The following PDE4B variants were observed in gnomAD, a reference collection of about 807,000 sequenced individuals.
PDE4B encodes phosphodiesterase 4B.
Under a neutral mutation model 82.2 loss-of-function variants are expected in PDE4B, and 20 were observed. The ratio of observed to expected loss-of-function variants is 0.24; its 90% CI spans 0.17 to 0.35. PDE4B has a LOEUF of 0.35. Ranked by LOEUF, PDE4B falls within the 10% of genes least tolerant of loss-of-function variation. The pLI is 1.00. For synonymous variants in PDE4B, 320 were observed against 318.9 expected, an observed-to-expected ratio of 1.00 and a Z score of -0.04; for missense variants, 655 against 907.2, an observed-to-expected ratio of 0.72 and a Z score of 3.57.
chr1:66,073,629 G>T (rs1003228690), intron 3 of PDE4B, among the ~76,000 whole-genome samples: 7 of 151,896 alleles, frequency 4.6e-5, no homozygotes, highest in Non-Finnish European at 1.0e-4. Context: ...AAAAATATTT[G>T]CAGCCAGCTC....
chr1:66,097,862 GTT>G (rs34619073), intron 3 of PDE4B, among the ~76,000 whole-genome samples: 34 of 138,982 alleles, frequency 2.4e-4, no homozygotes, highest in South Asian at 4.6e-4. Flanking sequence ...TTGCTGCTGG[GTT>G]TTTTTTTTTT....
chr1:66,265,994 G>A (rs1185430919), intron 6 of PDE4B, 44 bp from the exon 7 acceptor site: 1 of 1,526,184 alleles, frequency 6.6e-7, no homozygotes, highest in Non-Finnish European at 9.1e-7. Flanking sequence ...GGAATGGGCA[G>A]TTTTGATACA....
At chr1:66,301,332 T>C (rs933449134) in intron 7 of PDE4B, among the ~76,000 whole-genome samples, 1 of 152,174 alleles carries the variant, frequency 6.6e-6, no homozygotes, top group Non-Finnish European at 1.5e-5. Flanking sequence ...GGTTTGGGCC[T>C]TGGAGGCTGA....
At chr1:66,098,025 A>G (rs1485191717) in intron 3 of PDE4B, among the ~76,000 whole-genome samples, 9 of 152,116 alleles carry the variant, frequency 5.9e-5, no homozygotes, top group Non-Finnish European at 7.4e-5. Flanking sequence ...TGATAACTAT[A>G]TAATGATTCT....
In PDE4B at chr1:66,173,513, AC is replaced by A. The variant is rs776694795; in HGVS notation, c.282-73945del. ...AACCCGCAAGAGTCTATTTGAATTT[AC>A]CTATAGTCTTTGAGGTGGCCCAATG... is the stretch of plus-strand genomic sequence containing the variant. On this transcript the variant is annotated intron_variant, in intron 3 of 16. Transcript: ENST00000341517. 1.3e-4 allele frequency among the ~76,000 whole-genome samples: 20 copies of A among 152,340 alleles called. No homozygotes were observed. In the East Asian group the frequency reaches 3.7e-3, roughly 28 times the overall value.
chr1:65,992,823 A>C, intron 3 of PDE4B: 1 of 1,510,692 alleles, frequency 6.6e-7, no homozygotes, highest in Non-Finnish European at 8.8e-7. Flanking sequence ...TTGCAGACTT[A>C]TCAGTCTTCT....
intron 1 of PDE4B, among the ~76,000 whole-genome samples, chr1:65,876,120 A>C (rs1272227960): frequency 6.6e-6 from 1 of 152,140 alleles, no homozygotes; most frequent in East Asian, 1.9e-4. Flanking sequence ...TGCAGATGAA[A>C]GGAGTTTTAT....
At chr1:65,975,723 A>T (rs1650369421) in intron 3 of PDE4B, among the ~76,000 whole-genome samples, 2 of 152,202 alleles carry the variant, frequency 1.3e-5, no homozygotes, top group Non-Finnish European at 2.9e-5. Context: ...AGCTGTGGCT[A>T]AAAGGAGCCA....
chr1:66,295,007 A>G (rs1657399781), intron 7 of PDE4B, among the ~76,000 whole-genome samples: 1 of 152,126 alleles, frequency 6.6e-6, no homozygotes, highest in South Asian at 2.1e-4. Context: ...TTGTGTGTAT[A>G]TTTTCCTCAC....
intron 3 of PDE4B, among the ~76,000 whole-genome samples, chr1:65,937,700 G>A (rs1412236877): frequency 6.6e-6 from 1 of 152,144 alleles, no homozygotes; most frequent in Non-Finnish European, 1.5e-5. Flanking sequence ...TGCCGTCTTA[G>A]GTATGTGAGG....
chr1:65,891,431 C>T (rs1236154489), intron 1 of PDE4B, among the ~76,000 whole-genome samples: 1 of 151,808 alleles, frequency 6.6e-6, no homozygotes, highest in African/African-American at 2.4e-5. Context: ...TTTTTATAGC[C>T]CTTATAAAGT....
intron 2 of PDE4B, among the ~76,000 whole-genome samples, 192 bp downstream of exon 2, chr1:65,913,548 C>G (rs1011117208): frequency 5.3e-5 from 8 of 152,190 alleles, no homozygotes; most frequent in African/African-American, 1.9e-4. Context: ...CTCTTTGCAT[C>G]TTGGAAATGG....
chr1:66,372,582 A>G lies in PDE4B; in HGVS notation c.2115A>G (p.Thr705=). The G allele has an allele frequency of 6.2e-7, 1 of 1,614,188 alleles. No individual in the cohort carries two copies. Among genetic ancestry groups the G allele is most frequent in the Non-Finnish European group, 8.5e-7 (1 of 1,180,006 alleles). ...EGEGHSYFSS[T]KTLCVIDPEN... ...AGGGACACAGCTATTTCAGCAGCACAAAGACGCTTTGTGTGATTGATCCAG... is the reference window on the plus strand; with the variant it reads ...AGGGACACAGCTATTTCAGCAGCACGAAGACGCTTTGTGTGATTGATCCAG... The change falls in exon 17 of 17, where the codon ACA becomes ACG. Residue 705 remains threonine, a synonymous_variant. Transcript: ENST00000341517.
Position 65,918,791 on chromosome 1 carries a change from G to T in PDE4B, c.237G>T (p.Leu79Phe). The T allele has an allele frequency of 6.2e-7, 1 of 1,613,890 alleles. No homozygotes were observed. The highest frequency in any genetic ancestry group is 8.5e-7 in the Non-Finnish European group (1 of 1,179,750). Reference sequence around the variant, plus strand: ...TTTCCAGGCCGACCACACTGCCTTTGACAACGCTTCCAAGCATTGCTATTA... The same window carrying T: ...TTTCCAGGCCGACCACACTGCCTTTTACAACGCTTCCAAGCATTGCTATTA... ...DGISRPTTLPLTTLPSIAITT... is the reference protein window; with the variant it reads ...DGISRPTTLPFTTLPSIAITT... The change falls in exon 3 of 17, where the codon TTG becomes TTT. Residue 79 changes from leucine (L) to phenylalanine (F), a missense_variant. Leu to Phe is a conservative substitution (Grantham distance 22). Around this residue, in one of 3 missense-constraint regions of PDE4B, gnomAD observed 253 missense variants for 275.6 expected, o/e 0.92. Coordinates refer to ENST00000341517, the MANE Select transcript of PDE4B (RefSeq NM_002600.4).
chr1:66,363,256 C>A lies in PDE4B; in HGVS notation c.1109C>A (p.Ala370Asp). The A allele has an allele frequency of 6.2e-7, 1 of 1,606,830 alleles. No individual in the cohort carries two copies. Among genetic ancestry groups the A allele is most frequent in the Non-Finnish European group, 8.5e-7 (1 of 1,173,644 alleles). Residue 370 changes from alanine to aspartate, a missense_variant, in exon 11 of 17, where the codon GCT becomes GAT. Ala to Asp is a moderately radical substitution (Grantham distance 126). Coordinates refer to ENST00000341517, the MANE Select transcript of PDE4B (RefSeq NM_002600.4). ...HNRPLTCIMYAIFQERDLLKT... is the reference protein window; with the variant it reads ...HNRPLTCIMYDIFQERDLLKT... ...AGACCCCTAACATGCATCATGTATG[C>A]TATATTCCAGGTGAGTGAACAGGAG...
At position 66,352,181 on chromosome 1, in the gene PDE4B, G is replaced by A. The variant is rs116430151; in HGVS notation, c.748-3346G>A. Among the ~76,000 whole-genome samples, 431 of 152,296 alleles carry A rather than the reference G, an allele frequency of 2.8e-3. 1 individual carries two copies. The highest frequency in any genetic ancestry group is 8.8e-3 in the African/African-American group (367 of 41,574). ...GGACTAGGTTAGTTTCTGACACTAA[G>A]TGACCTCCATTTGCATACTTCGCCA... On this transcript the variant is annotated intron_variant, in intron 8 of 16. Transcript: ENST00000341517.
At chr1:65,943,787 G>A (rs967199503) in intron 3 of PDE4B, among the ~76,000 whole-genome samples, 1 of 151,746 alleles carries the variant, frequency 6.6e-6, no homozygotes, top group Non-Finnish European at 1.5e-5. Flanking sequence ...TTCTTTTGTG[G>A]ATAATTTGTT....
At chr1:66,200,849 C>A (rs1479481081) in intron 3 of PDE4B, among the ~76,000 whole-genome samples, 1 of 152,144 alleles carries the variant, frequency 6.6e-6, no homozygotes, top group African/African-American at 2.4e-5. Context: ...CCTTCTCCTA[C>A]CTAATTGCCC....
At position 66,050,212 on chromosome 1, in the gene PDE4B, A is replaced by G. The variant is rs556303620; in HGVS notation, c.281+131377A>G. On this transcript the variant is annotated intron_variant, in intron 3 of 16. Coordinates refer to ENST00000341517, the MANE Select transcript of PDE4B (RefSeq NM_002600.4). Reference sequence around the variant, plus strand: ...ATGTTCAATTGGAAATATATGTTCAATTGAGTATCAGTAGAAAAATCTATT... The same window carrying G: ...ATGTTCAATTGGAAATATATGTTCAGTTGAGTATCAGTAGAAAAATCTATT... Among the ~76,000 whole-genome samples, 158 of 152,204 alleles carry G rather than the reference A, an allele frequency of 1.0e-3. 2 individuals are homozygous for G. The highest frequency in any genetic ancestry group is 9.7e-4 in the East Asian group (5 of 5,178).
Sources: allele counts gnomAD v4.1 joint callset (sites outside exome capture counted in the v4.1 genomes callset), GRCh38; gene constraint gnomAD v4.1.1; regional missense constraint gnomAD v4.1.1; transcripts MANE v1.5; gene names NCBI Gene and HGNC (gene_info 2026-07-23, HGNC 2026-07-21).